TMEM163: variants seen among roughly 807,000 people sequenced by gnomAD.
TMEM163 encodes the protein transmembrane protein 163.
In TMEM163, 17 loss-of-function variants were observed where a neutral mutation model predicts 29.3. The ratio of observed to expected loss-of-function variants is 0.58; its 90% CI spans 0.40 to 0.87. The LOEUF is 0.87. TMEM163 is among the 40% of genes least tolerant of loss of function. TMEM163 has a pLI of 0.00. For synonymous variants in TMEM163, 157 were observed against 160.6 expected (o/e 0.98, Z 0.17); for missense variants, 303 against 381.5 (o/e 0.79, Z 1.71).
chr2:134,718,885 G>A lies in TMEM163; in HGVS notation c.51C>T (p.Val17=). 9.1e-7 allele frequency: 1 copy of A among 1,096,970 alleles called. No individual in the cohort carries two copies. The highest frequency in any genetic ancestry group is 1.1e-6 in the Non-Finnish European group (1 of 902,898). 68.0% of individuals were successfully genotyped at this position (1,096,970 alleles called of 1,614,324 possible). The part of the protein sequence containing the change: ...IQRRSSQGPT[V]PPPPRGHAPP... ...GCGCGTGGCCCCGGGGCGGCGGCGG[G>A]ACGGTGGGCCCCTGGGAGCTGCGGC... The change falls in exon 1 of 8, where the codon GTC becomes GTT. Residue 17 remains valine (V), a synonymous_variant. Transcript: ENST00000281924.
At position 134,588,305 on chromosome 2, in the gene TMEM163, A is replaced by G. The variant is rs967712458; in HGVS notation, c.323-36214T>C. 6.6e-5 allele frequency among the ~76,000 whole-genome samples: 10 copies of G among 152,332 alleles called. 1 individual carries two copies. The South Asian group carries it at 2.1e-3, about 32-fold the overall frequency. ...AGTCAGACAATAAGAAAGGAGGGAA[A>G]GGGGAAGGAGATGAATGATTCTGCA... On this transcript the variant is annotated intron_variant, in intron 2 of 7. Transcript: ENST00000281924.
At chr2:134,672,238 A>G (rs1684011218) in intron 2 of TMEM163, among the ~76,000 whole-genome samples, 1 of 152,242 alleles carries the variant, frequency 6.6e-6, no homozygotes, top group African/African-American at 2.4e-5. Flanking sequence ...AAAAATATGG[A>G]AAGTTCATGA....
intron 4 of TMEM163, among the ~76,000 whole-genome samples, chr2:134,535,737 G>GT (rs764860923): frequency 2.0e-3 from 277 of 138,450 alleles, no homozygotes; most frequent in Middle Eastern, 7.4e-3. Flanking sequence ...TTGTTTGTTT[G>GT]TTTTTTTTGA....
chr2:134,690,645 C>T (rs1027759324), intron 2 of TMEM163, among the ~76,000 whole-genome samples: 1 of 152,196 alleles, frequency 6.6e-6, no homozygotes, highest in African/African-American at 2.4e-5. Context: ...ATTTCATTTA[C>T]CACAAGAAAA....
chr2:134,664,196 A>C (rs58936112), intron 2 of TMEM163, among the ~76,000 whole-genome samples: 15,839 of 152,180 alleles, frequency 0.1, 988 homozygotes, highest in South Asian at 0.17. Context: ...ACTTCATATC[A>C]TTGTGGAGAG....
intron 2 of TMEM163, among the ~76,000 whole-genome samples, chr2:134,664,273 C>T (rs1012384282): frequency 6.6e-6 from 1 of 152,236 alleles, no homozygotes; most frequent in African/African-American, 2.4e-5. Flanking sequence ...TTTCCACTTA[C>T]AGGCTGAGCT....
intron 2 of TMEM163, among the ~76,000 whole-genome samples, chr2:134,687,930 G>C (rs866738182): frequency 6.6e-6 from 1 of 152,164 alleles, no homozygotes; most frequent in African/African-American, 2.4e-5. Context: ...ATGGGGAAGA[G>C]TTCTGAGTTC....
intron 5 of TMEM163, among the ~76,000 whole-genome samples, chr2:134,498,218 A>G (rs1440954919): frequency 1.3e-5 from 2 of 152,100 alleles, no homozygotes; most frequent in African/African-American, 4.8e-5. Context: ...AGATGCGGCC[A>G]CGCCCAAGCC....
intron 2 of TMEM163, among the ~76,000 whole-genome samples, chr2:134,649,828 A>G (rs1180218263): frequency 6.6e-6 from 1 of 151,826 alleles, no homozygotes; most frequent in Non-Finnish European, 1.5e-5. Context: ...AACCTGGGCA[A>G]TGTAGTGAAC....
chr2:134,561,722 G>A (rs1558946065), intron 2 of TMEM163, among the ~76,000 whole-genome samples: 1 of 152,184 alleles, frequency 6.6e-6, no homozygotes, highest in African/African-American at 2.4e-5. Context: ...AAGTAAGCCT[G>A]TGGGAGGCAG....
chr2:134,591,243 C>T (rs1188212898), intron 2 of TMEM163, among the ~76,000 whole-genome samples: 1 of 152,184 alleles, frequency 6.6e-6, no homozygotes, highest in Non-Finnish European at 1.5e-5. Flanking sequence ...ATTCCAACCT[C>T]ACCCTTTGTG....
chr2:134,531,574 T>C (rs1038438633), intron 4 of TMEM163, among the ~76,000 whole-genome samples: 35 of 152,188 alleles, frequency 2.3e-4, no homozygotes, highest in Non-Finnish European at 1.2e-4. Context: ...TCAATTATTT[T>C]ACTAGAGTGG....
In TMEM163 at chr2:134,655,610, G is replaced by A. The variant is rs1683583694; in HGVS notation, c.322+57590C>T. Among the ~76,000 whole-genome samples the A allele has an allele frequency of 1.4e-5, 2 of 141,498 alleles. 1 individual carries two copies. The highest frequency in any genetic ancestry group is 3.0e-5 in the Non-Finnish European group (2 of 66,762). The allele number at this position is 141,498 out of a possible 152,430, so 92.8% of individuals were successfully genotyped here. ...TGGTGAGGAACTGCATTCCTTTGGA[G>A]GAGGAGAGGCGCTCTGCATTTTAGA... On this transcript the variant is annotated intron_variant, in intron 2 of 7. Coordinates refer to ENST00000281924, the MANE Select transcript of TMEM163 (RefSeq NM_030923.5).
intron 5 of TMEM163, among the ~76,000 whole-genome samples, chr2:134,484,942 G>A (rs1679277570): frequency 6.6e-6 from 1 of 152,146 alleles, no homozygotes; most frequent in Non-Finnish European, 1.5e-5. Context: ...AATAAGCCTT[G>A]TAGAACAAAT....
At chr2:134,716,025 G>A (rs1336945750) in intron 1 of TMEM163, among the ~76,000 whole-genome samples, 1 of 152,132 alleles carries the variant, frequency 6.6e-6, no homozygotes, top group Admixed American at 6.5e-5. Flanking sequence ...TTCTACACTA[G>A]TATGCATTAG....
intron 2 of TMEM163, among the ~76,000 whole-genome samples, chr2:134,568,676 G>A (rs1474084948): frequency 1.6e-5 from 2 of 128,402 alleles, no homozygotes; most frequent in Admixed American, 7.8e-5. Flanking sequence ...AGGAAAGAAG[G>A]AAAGAAAAGA....
intron 2 of TMEM163, among the ~76,000 whole-genome samples, chr2:134,708,797 C>T (rs1248670129): frequency 6.6e-6 from 1 of 152,022 alleles, no homozygotes; most frequent in African/African-American, 2.4e-5. Context: ...ACCATATTGG[C>T]CAGGCTGGTC....
intron 2 of TMEM163, among the ~76,000 whole-genome samples, chr2:134,633,709 C>T (rs1683029989): frequency 6.6e-6 from 1 of 151,994 alleles, no homozygotes; most frequent in Admixed American, 6.6e-5. Context: ...CACCTGTAAT[C>T]CCAGCACTTT....
chr2:134,489,157 T>C lies in TMEM163; in HGVS notation c.555+13744A>G, dbSNP rs1368526684. Among the ~76,000 whole-genome samples, 4 of 152,126 alleles carry C rather than the reference T, an allele frequency of 2.6e-5. No individual in the cohort carries two copies. The East Asian group carries it at 7.7e-4, about 29-fold the overall frequency. ...AATGTTCATTCTAACAACACTGTAA[T>C]AATAAAAAACTGGAAACTACCCAAA... On this transcript the variant is annotated intron_variant, in intron 5 of 7. Coordinates refer to ENST00000281924, the MANE Select transcript of TMEM163 (RefSeq NM_030923.5).
Sources: gnomAD v4.1 joint callset for allele counts (sites outside exome capture counted in the v4.1 genomes callset) on GRCh38, gnomAD v4.1.1 for gene constraint, MANE v1.5 for transcripts, NCBI Gene and HGNC (gene_info 2026-07-23, HGNC 2026-07-21) for gene names.